The following MYH16 variants were observed in gnomAD, a reference collection of about 807,000 sequenced individuals.
MYH16 encodes the protein myosin heavy chain 16, also known as putative uncharacterized protein MYH16.
chr7:99,287,360 C>A (rs148554265), intron 28 of MYH16, among the ~76,000 whole-genome samples: 3,147 of 151,702 alleles, frequency 0.021, 48 homozygotes, highest in South Asian at 0.047. Flanking sequence ...TGGTGAAACC[C>A]CATCTCTACT....
chr7:99,297,076 T>C (rs1792510363), intron 34 of MYH16, among the ~76,000 whole-genome samples, 159 bp downstream of exon 15: 1 of 152,162 alleles, frequency 6.6e-6, no homozygotes, highest in South Asian at 2.1e-4. Flanking sequence ...CACTTCAGCA[T>C]TCAGCAGTGT....
At chr7:99,268,453 C>T (rs893962784) in intron 18 of MYH16, among the ~76,000 whole-genome samples, 2 of 152,210 alleles carry the variant, frequency 1.3e-5, no homozygotes, top group African/African-American at 2.4e-5. Flanking sequence ...CCGGGAAAGC[C>T]GGAGCTGGTA....
At chr7:99,260,630 G>A in intron 12 of MYH16, 1 of 228,668 alleles carries the variant, frequency 4.4e-6, no homozygotes, top group Admixed American at 4.9e-5. Flanking sequence ...GCACAGAGAT[G>A]GGAACATTGA....
intron 5 of MYH16, among the ~76,000 whole-genome samples, chr7:99,250,422 G>T (rs1242293266): frequency 6.6e-6 from 1 of 152,170 alleles, no homozygotes; most frequent in African/African-American, 2.4e-5. Context: ...AGCCTTAGCT[G>T]GGCAGCCAGC....
At chr7:99,268,291 G>C (rs1792006785) in intron 18 of MYH16, among the ~76,000 whole-genome samples, 1 of 152,170 alleles carries the variant, frequency 6.6e-6, no homozygotes, top group African/African-American at 2.4e-5. Context: ...AAGAATCTTA[G>C]AAACCAACGG....
chr7:99,248,386 G>T (rs1200479156), intron 3 of MYH16, among the ~76,000 whole-genome samples: 1 of 152,114 alleles, frequency 6.6e-6, no homozygotes, highest in Non-Finnish European at 1.5e-5. Context: ...ACAGGCGTGA[G>T]CCACTGCGCC....
intron 21 of MYH16, among the ~76,000 whole-genome samples, chr7:99,279,261 A>C (rs749943348): frequency 6.9e-6 from 1 of 145,580 alleles, no homozygotes; most frequent in South Asian, 2.3e-4. Flanking sequence ...TGGGAGGATG[A>C]GGTGGGAGGA....
rs564186389 is a variant in MYH16 at position 99,305,220 on chromosome 7, AGAAG to A, written n.5434+470_5434+473del. On this transcript the variant is annotated intron_variant and non_coding_transcript_variant, in intron 40 of 41. Transcript: ENST00000439784. ...AAAGAGAAAAGAAGGAAAGAAAGAA[AGAAG>A]GAAGGGAGGGAAAGAAAGAGAAAAG... 5.9e-5 allele frequency among the ~76,000 whole-genome samples: 9 copies of A among 151,952 alleles called. No individual in the cohort carries two copies. In the South Asian group the frequency reaches 1.9e-3, roughly 32 times the overall value.
intron 30 of MYH16, 127 bp from the exon 12 acceptor site, chr7:99,291,196 A>G: frequency 2.7e-6 from 1 of 372,356 alleles, no homozygotes; most frequent in South Asian, 2.0e-5. Flanking sequence ...TGTGCTCCCC[A>G]TTCCAGCTCC....
chr7:99,267,050 T>G (rs1000529682), intron 18 of MYH16: 2 of 152,540 alleles, frequency 1.3e-5, no homozygotes, highest in African/African-American at 4.8e-5. Context: ...GGGGTGTGGA[T>G]TCCACCTGAC....
At chr7:99,291,338 T>A (rs1317651156) in exon 31 of MYH16, 2 of 456,118 alleles carry the variant, frequency 4.4e-6, no homozygotes, top group South Asian at 3.1e-5. Flanking sequence ...AATAGTGAAC[T>A]GAGCAGGGAA....
At chr7:99,259,141 T>C (rs1215333188) in intron 11 of MYH16, among the ~76,000 whole-genome samples, 1 of 152,072 alleles carries the variant, frequency 6.6e-6, no homozygotes, top group Non-Finnish European at 1.5e-5. Context: ...GGAGATGAGA[T>C]TTGGGTGGGG....
At chr7:99,285,632 G>A (rs1740269183) in intron 27 of MYH16, among the ~76,000 whole-genome samples, 194 bp downstream of exon 9, 1 of 152,188 alleles carries the variant, frequency 6.6e-6, no homozygotes, top group Non-Finnish European at 1.5e-5. Context: ...GACGTGAAAG[G>A]CAGATGCTCT....
intron 19 of MYH16, among the ~76,000 whole-genome samples, chr7:99,272,452 G>T (rs758411608): frequency 6.6e-6 from 1 of 151,986 alleles, no homozygotes; most frequent in Non-Finnish European, 1.5e-5. Context: ...AAAGGGCTGG[G>T]TCTGGCCAGG....
chr7:99,296,562 T>C (rs1792496608), intron 33 of MYH16, 139 bp from the exon 15 acceptor site: 1 of 379,546 alleles, frequency 2.6e-6, no homozygotes, highest in East Asian at 7.3e-5. Flanking sequence ...AGCTGTTGAA[T>C]TACATTCCAA....
chr7:99,242,436 G>A (rs899770134), intron 1 of MYH16, among the ~76,000 whole-genome samples: 4 of 151,912 alleles, frequency 2.6e-5, no homozygotes, highest in Non-Finnish European at 5.9e-5. Flanking sequence ...AAGAGTTCAA[G>A]ACCAGCATAG....
chr7:99,309,303 A>T (rs574375288), downstream of MYH16, among the ~76,000 whole-genome samples: 1 of 152,250 alleles, frequency 6.6e-6, no homozygotes, highest in African/African-American at 2.4e-5. Context: ...GCCCCTAGTG[A>T]GGAGGGTAAG....
chr7:99,245,111 G>A (rs111304013), intron 2 of MYH16, among the ~76,000 whole-genome samples: 10 of 152,266 alleles, frequency 6.6e-5, no homozygotes, highest in Admixed American at 2.6e-4. Context: ...CCCACCCCAC[G>A]GCTGAGACAG....
intron 2 of MYH16, among the ~76,000 whole-genome samples, chr7:99,246,442 C>T (rs147448576): frequency 1.3e-5 from 2 of 152,256 alleles, no homozygotes; most frequent in African/African-American, 4.8e-5. Flanking sequence ...TGGCTCACAC[C>T]TGTGATCCCA....
Sources: gnomAD v4.1 joint callset for allele counts (sites outside exome capture counted in the v4.1 genomes callset) on GRCh38, gnomAD v4.1.1 for gene constraint, MANE v1.5 for transcripts, NCBI Gene and HGNC (gene_info 2026-07-23, HGNC 2026-07-21) for gene names.